The following SLC39A11 variants were observed in gnomAD, a reference collection of about 807,000 sequenced individuals.
The protein encoded by SLC39A11 is zinc transporter ZIP11.
In SLC39A11, 33 loss-of-function variants were observed where a neutral mutation model predicts 36.1. That is an observed-to-expected ratio of 0.91 (90% CI 0.69 to 1.22). The LOEUF (loss-of-function observed/expected upper bound fraction) is 1.22. SLC39A11 is among the 50% of genes most tolerant of loss of function. SLC39A11 has a pLI of 0.00. For missense variants in SLC39A11, 432 were observed against 430.3 expected, an observed-to-expected ratio of 1.00 and a Z score of -0.03; for synonymous variants, 166 against 170.3, an observed-to-expected ratio of 0.97 and a Z score of 0.20.
intron 6 of SLC39A11, among the ~76,000 whole-genome samples, chr17:72,795,070 A>C (rs574560895): frequency 7.2e-5 from 11 of 152,276 alleles, no homozygotes; most frequent in South Asian, 6.2e-4. Flanking sequence ...CAGAGTATCA[A>C]ATAATTTATC....
chr17:72,688,422 C>G (rs1034910195), intron 7 of SLC39A11, among the ~76,000 whole-genome samples: 1 of 152,248 alleles, frequency 6.6e-6, no homozygotes, highest in African/African-American at 2.4e-5. Flanking sequence ...GGACAACCCC[C>G]TCAGTCCAGG....
chr17:72,773,388 T>C (rs56874308), intron 6 of SLC39A11, among the ~76,000 whole-genome samples: 10,427 of 152,170 alleles, frequency 0.069, 704 homozygotes, highest in African/African-American at 0.17. Context: ...GCTTCCCCCA[T>C]CCAGTTCTCA....
Position 72,676,076 on chromosome 17 carries a change from A to T in SLC39A11, c.672-26808T>A, listed in dbSNP as rs866566102. On this transcript the variant is annotated intron_variant, in intron 7 of 9. Coordinates refer to ENST00000255559, the MANE Select transcript of SLC39A11 (RefSeq NM_139177.4). ...TCCTTCAACTCACAATGTTTCACAC[A>T]CACACACACACACACACACACACAC... 1.1e-3 allele frequency among the ~76,000 whole-genome samples: 162 copies of T among 144,330 alleles called. 1 individual carries two copies. Among genetic ancestry groups the T allele is most frequent in the Middle Eastern group, 3.7e-3 (1 of 270 alleles). The allele number at this position is 144,330 out of a possible 152,430, so 94.7% of individuals were successfully genotyped here. A position where few individuals can be genotyped will look rare whatever the true frequency, so the allele number is the denominator to read the frequency against.
At chr17:72,967,399 A>AGTGT (rs1555655753) in intron 4 of SLC39A11, among the ~76,000 whole-genome samples, 3 of 138,198 alleles carry the variant, frequency 2.2e-5, no homozygotes, top group Non-Finnish European at 3.1e-5. Context: ...AGAGAGAGAG[A>AGTGT]GTGTGTGTGT....
chr17:72,734,919 G>A (rs2143942953), intron 7 of SLC39A11, among the ~76,000 whole-genome samples: 1 of 151,548 alleles, frequency 6.6e-6, no homozygotes, highest in South Asian at 2.1e-4. Context: ...GTGGTCTAGT[G>A]GAGTCAGGAT....
In SLC39A11 at chr17:72,840,733, G is replaced by C. The variant is rs527898491; in HGVS notation, c.601+8901C>G. 3.4e-5 allele frequency among the ~76,000 whole-genome samples: 5 copies of C among 147,580 alleles called. No individual in the cohort carries two copies. In the East Asian group the frequency reaches 1.0e-3, roughly 30 times the overall value. On this transcript the variant is annotated intron_variant, in intron 6 of 9. Coordinates refer to ENST00000255559, the MANE Select transcript of SLC39A11 (RefSeq NM_139177.4). ...GATCGCGCCACTGCACTCTACCCTGGGTGACAAGAGCGAGACTCCATCTCA... is the reference window on the plus strand; with the variant it reads ...GATCGCGCCACTGCACTCTACCCTGCGTGACAAGAGCGAGACTCCATCTCA...
Position 72,916,970 on chromosome 17 carries a change from A to G in SLC39A11, c.430+30782T>C, listed in dbSNP as rs1480230082. 1.3e-5 allele frequency among the ~76,000 whole-genome samples: 2 copies of G among 152,332 alleles called. 1 individual carries two copies. The highest frequency in any genetic ancestry group is 4.1e-4 in the South Asian group (2 of 4,832). Reference sequence around the variant, plus strand: ...ACACTTCTGAAAACATTTGCAAATTAAAAGGAAGTTGGAGAGGGTAACAGA... The same window carrying G: ...ACACTTCTGAAAACATTTGCAAATTGAAAGGAAGTTGGAGAGGGTAACAGA... On this transcript the variant is annotated intron_variant, in intron 5 of 9. Coordinates refer to ENST00000255559, the MANE Select transcript of SLC39A11 (RefSeq NM_139177.4).
intron 7 of SLC39A11, among the ~76,000 whole-genome samples, chr17:72,692,302 C>T (rs939634503): frequency 6.6e-6 from 1 of 152,216 alleles, no homozygotes; most frequent in Non-Finnish European, 1.5e-5. Flanking sequence ...TGGGCTACCG[C>T]GCCCGACCAA....
chr17:72,780,359 C>T (rs1190985408), intron 6 of SLC39A11, among the ~76,000 whole-genome samples: 2 of 152,126 alleles, frequency 1.3e-5, no homozygotes, highest in African/African-American at 4.8e-5. Context: ...ATCATAACTA[C>T]ATGGAGGGGA....
intron 7 of SLC39A11, among the ~76,000 whole-genome samples, chr17:72,682,405 C>T (rs565312401): frequency 2.0e-5 from 3 of 149,232 alleles, no homozygotes; most frequent in East Asian, 4.0e-4. Context: ...ATGTGTTGAT[C>T]GACTGTTTAT....
chr17:72,953,755 A>G (rs932492117), intron 4 of SLC39A11, among the ~76,000 whole-genome samples: 2 of 152,226 alleles, frequency 1.3e-5, no homozygotes, highest in African/African-American at 4.8e-5. Flanking sequence ...TCCCAGTACC[A>G]ACCTTCAATA....
chr17:72,714,789 T>A (rs1002235518), intron 7 of SLC39A11, among the ~76,000 whole-genome samples: 28 of 152,208 alleles, frequency 1.8e-4, no homozygotes, highest in African/African-American at 6.8e-4. Flanking sequence ...TCTGCAGCTG[T>A]TCACCTCCTG....
chr17:72,946,132 T>C (rs7213775), intron 5 of SLC39A11, among the ~76,000 whole-genome samples: 3,416 of 152,272 alleles, frequency 0.022, 129 homozygotes, highest in African/African-American at 0.077. Context: ...TTGAATACAG[T>C]GCTCTACTGT....
intron 5 of SLC39A11, among the ~76,000 whole-genome samples, chr17:72,862,325 A>G (rs2146244669): frequency 6.6e-6 from 1 of 152,360 alleles, no homozygotes; most frequent in East Asian, 1.9e-4. Flanking sequence ...AGAGCCAAGA[A>G]AAACGTTGGT....
chr17:72,777,281 G>C (rs1195525298), intron 6 of SLC39A11, among the ~76,000 whole-genome samples: 4 of 152,138 alleles, frequency 2.6e-5, no homozygotes, highest in African/African-American at 7.2e-5. Context: ...GGCAGGAAGG[G>C]AGTTACCTAT....
intron 3 of SLC39A11, among the ~76,000 whole-genome samples, chr17:73,059,930 C>T (rs2059786843): frequency 6.6e-6 from 1 of 151,940 alleles, no homozygotes; most frequent in Non-Finnish European, 1.5e-5. Flanking sequence ...TTGTGATCAG[C>T]AGGGCGTGGT....
chr17:72,795,060 C>T (rs1459302518), intron 6 of SLC39A11, among the ~76,000 whole-genome samples: 1 of 152,120 alleles, frequency 6.6e-6, no homozygotes, highest in East Asian at 1.9e-4. Context: ...TTCAGGTACG[C>T]AGAGTATCAA....
At chr17:72,912,571 A>ATTACAG in intron 5 of SLC39A11, among the ~76,000 whole-genome samples, 1 of 151,090 alleles carries the variant, frequency 6.6e-6, no homozygotes, top group Non-Finnish European at 1.5e-5. Flanking sequence ...AAGAGCTGGG[A>ATTACAG]GCCTGCCACC....
At chr17:72,718,071 A>G (rs939248833) in intron 7 of SLC39A11, among the ~76,000 whole-genome samples, 2 of 152,208 alleles carry the variant, frequency 1.3e-5, no homozygotes, top group African/African-American at 4.8e-5. Context: ...TTAACACCGA[A>G]TACAAAATCT....
Sources: allele counts gnomAD v4.1 joint callset (sites outside exome capture counted in the v4.1 genomes callset), GRCh38; gene constraint gnomAD v4.1.1; transcripts MANE v1.5; gene names NCBI Gene and HGNC (gene_info 2026-07-23, HGNC 2026-07-21).